The following MAL2 variants were observed in gnomAD, a reference collection of about 807,000 sequenced individuals.
The protein encoded by MAL2 is protein MAL2.
MAL2 carries 17 observed loss-of-function variants against 18.1 expected under a neutral mutation model. The observed-to-expected ratio is 0.94, with a 90% confidence interval of 0.64 to 1.41. MAL2 has a LOEUF of 1.41. Ranked by LOEUF, MAL2 falls within the 40% of genes most tolerant of loss-of-function variation. The pLI, the probability that MAL2 is intolerant of heterozygous loss-of-function variation, is 0.00. For missense variants in MAL2, 222 were observed against 231.9 expected (o/e 0.96, Z 0.28); for synonymous variants, 102 against 102.3 (o/e 1.00, Z 0.02).
chr8:119,235,796 C>G (rs1247235420), intron 2 of MAL2, among the ~76,000 whole-genome samples: 5 of 138,038 alleles, frequency 3.6e-5, no homozygotes, highest in African/African-American at 1.2e-4. Flanking sequence ...GAAGGAAGCA[C>G]TAAACATGGA....
intron 2 of MAL2, among the ~76,000 whole-genome samples, chr8:119,226,902 T>C (rs1349794291): frequency 6.6e-6 from 1 of 152,214 alleles, no homozygotes; most frequent in East Asian, 1.9e-4. Flanking sequence ...TTAGCAGAAA[T>C]GATCTGGGCT....
At chr8:119,211,597 T>C (rs1817268906) in intron 1 of MAL2, among the ~76,000 whole-genome samples, 1 of 152,044 alleles carries the variant, frequency 6.6e-6, no homozygotes, top group Admixed American at 6.5e-5. Flanking sequence ...TTGGGAGATA[T>C]TACAAAATAT....
At chr8:119,231,321 T>C (rs1483616469) in intron 2 of MAL2, among the ~76,000 whole-genome samples, 2 of 152,222 alleles carry the variant, frequency 1.3e-5, no homozygotes, top group Non-Finnish European at 2.9e-5. Context: ...CGTGAGCCAC[T>C]GTGCCCAGCC....
intron 2 of MAL2, among the ~76,000 whole-genome samples, chr8:119,231,135 C>T (rs1247309960): frequency 6.6e-6 from 1 of 152,018 alleles, no homozygotes; most frequent in African/African-American, 2.4e-5. Flanking sequence ...AGGTTCACAC[C>T]ATTCTCCTGC....
intron 2 of MAL2, among the ~76,000 whole-genome samples, chr8:119,224,694 T>A (rs991727964): frequency 3.9e-5 from 6 of 152,104 alleles, no homozygotes; most frequent in African/African-American, 1.4e-4. Flanking sequence ...CTCCTTCTCC[T>A]CTCCCCACCC....
intron 2 of MAL2, among the ~76,000 whole-genome samples, chr8:119,222,520 CAAA>C (rs771003231): frequency 9.9e-5 from 8 of 80,566 alleles, no homozygotes; most frequent in Admixed American, 2.9e-4. Context: ...GACTCCATCT[CAAA>C]AAAAAAAAAA....
intron 2 of MAL2, among the ~76,000 whole-genome samples, chr8:119,235,773 TA>T (rs1817875681): frequency 6.8e-6 from 1 of 146,430 alleles, no homozygotes; most frequent in South Asian, 2.2e-4. Flanking sequence ...AGGCCTGCCC[TA>T]AAAGAGCTCC....
chr8:119,234,498 TG>T (rs1817829478), intron 2 of MAL2, among the ~76,000 whole-genome samples: 1 of 152,208 alleles, frequency 6.6e-6, no homozygotes, highest in Non-Finnish European at 1.5e-5. Context: ...GCTCCACCTC[TG>T]GGGGCAGGGC....
At chr8:119,212,772 CAAG>C (rs1219557342) in intron 1 of MAL2, among the ~76,000 whole-genome samples, 1 of 151,986 alleles carries the variant, frequency 6.6e-6, no homozygotes, top group Non-Finnish European at 1.5e-5. Flanking sequence ...AACACAGAGA[CAAG>C]AAGGACAATG....
At chr8:119,240,777 G>C (rs1818032263) in intron 3 of MAL2, among the ~76,000 whole-genome samples, 1 of 152,158 alleles carries the variant, frequency 6.6e-6, no homozygotes, top group Admixed American at 6.6e-5. Context: ...TGAATAAGTT[G>C]CAGTTCCTGC....
At chr8:119,241,466 G>T (rs1469798819) in intron 3 of MAL2, among the ~76,000 whole-genome samples, 1 of 137,352 alleles carries the variant, frequency 7.3e-6, no homozygotes, top group African/African-American at 3.5e-5. Flanking sequence ...AGAGCAGTCT[G>T]AGCGACAGAC....
chr8:119,222,698 C>T (rs1056569454), intron 2 of MAL2, among the ~76,000 whole-genome samples: 1 of 151,642 alleles, frequency 6.6e-6, no homozygotes, highest in African/African-American at 2.4e-5. Context: ...CATGGTGTTG[C>T]ACTCCTGTAG....
intron 3 of MAL2, among the ~76,000 whole-genome samples, chr8:119,241,378 A>AG (rs1187465164): frequency 6.6e-6 from 1 of 152,020 alleles, no homozygotes; most frequent in Non-Finnish European, 1.5e-5. Context: ...AGGAAAAAAA[A>AG]CAGAATAAAG....
At chr8:119,243,076 A>T (rs200145398) in intron 3 of MAL2, among the ~76,000 whole-genome samples, 1 of 152,340 alleles carries the variant, frequency 6.6e-6, no homozygotes, top group East Asian at 1.9e-4. Context: ...CATGAACAGA[A>T]CTTCATGCTG....
chr8:119,240,357 A>G (rs1432262916), intron 3 of MAL2, 37 bp downstream of exon 3: 1 of 1,599,770 alleles, frequency 6.3e-7, no homozygotes, highest in Admixed American at 1.7e-5. Flanking sequence ...ATTCACCAGC[A>G]CTTCCGCTCC....
At position 119,208,790 on chromosome 8, in the gene MAL2, A is replaced by T; in HGVS notation, c.132+186A>T. On this transcript the variant is annotated intron_variant, in intron 1 of 3. Coordinates refer to ENST00000614891, the MANE Select transcript of MAL2 (RefSeq NM_052886.3). This position sits in a 1 kb window ranked among gnomAD's most constrained non-coding sequence, Gnocchi z 4.3. ...CGCCGCCCGGGCCCTCCCTCCTAGC[A>T]CCTGTTACGCGGGCACCTGCTCCCC... 1.0e-6 allele frequency: 1 copy of T among 953,330 alleles called. No individual in the cohort carries two copies. Among genetic ancestry groups the T allele is most frequent in the Non-Finnish European group, 1.4e-6 (1 of 740,408 alleles). 59.1% of individuals were successfully genotyped at this position (953,330 alleles called of 1,614,324 possible).
chr8:119,234,468 A>C (rs1817828717), intron 2 of MAL2, among the ~76,000 whole-genome samples: 2 of 152,218 alleles, frequency 1.3e-5, no homozygotes, highest in Admixed American at 1.3e-4. Context: ...CAGCTCAAGA[A>C]GGCCTGCCTG....
At chr8:119,222,178 A>G (rs1260077918) in intron 2 of MAL2, among the ~76,000 whole-genome samples, 1 of 152,116 alleles carries the variant, frequency 6.6e-6, no homozygotes, top group Non-Finnish European at 1.5e-5. Context: ...AGAAAAGGGC[A>G]TGTTTCATAT....
Position 119,226,918 on chromosome 8 carries a change from A to G in MAL2, c.303+5161A>G, listed in dbSNP as rs1335670389. On this transcript the variant is annotated intron_variant, in intron 2 of 3. Coordinates refer to ENST00000614891, the MANE Select transcript of MAL2 (RefSeq NM_052886.3). The stretch of plus-strand genomic sequence containing the variant: ...TAGCAGAAATGATCTGGGCTGTCAA[A>G]TGCAATGAGTGAGGCTTGTGGAAGA... Among the ~76,000 whole-genome samples, 6 of 152,196 alleles carry G rather than the reference A, an allele frequency of 3.9e-5. No individual in the cohort carries two copies. The East Asian group carries it at 1.2e-3, about 29-fold the overall frequency.
Sources: allele counts gnomAD v4.1 joint callset (sites outside exome capture counted in the v4.1 genomes callset), GRCh38; gene constraint gnomAD v4.1.1; non-coding constraint Gnocchi (gnomAD v3.1); transcripts MANE v1.5; gene names NCBI Gene and HGNC (gene_info 2026-07-23, HGNC 2026-07-21).